The following DCDC2C variants were observed in gnomAD, a reference collection of about 807,000 sequenced individuals.
DCDC2C encodes the protein doublecortin domain-containing protein 2C.
Under a neutral mutation model 45.0 loss-of-function variants are expected in DCDC2C, and 44 were observed. That is an observed-to-expected ratio of 0.98 (90% CI 0.77 to 1.26). The LOEUF (loss-of-function observed/expected upper bound fraction) is 1.26. DCDC2C is among the 50% of genes most tolerant of loss of function. The probability of loss-of-function intolerance (pLI) is 0.00; values close to 1 mark genes in which losing one functional copy is unlikely to be tolerated. For synonymous variants in DCDC2C, 187 were observed against 178.8 expected (o/e 1.05, Z -0.37); for missense variants, 447 against 468.9 (o/e 0.95, Z 0.43).
chr2:3,766,306 A>ACG (rs1473615187), intron 6 of DCDC2C, among the ~76,000 whole-genome samples: 2 of 146,924 alleles, frequency 1.4e-5, no homozygotes, highest in Non-Finnish European at 3.0e-5. Flanking sequence ...ACATACACAC[A>ACG]CACGCACACA....
chr2:3,784,101 T>C (rs1165167955), intron 9 of DCDC2C, among the ~76,000 whole-genome samples: 1 of 152,092 alleles, frequency 6.6e-6, no homozygotes, highest in East Asian at 1.9e-4. Context: ...ATTAAAGAAA[T>C]GCAAATAATA....
At chr2:3,753,756 C>T (rs754190911) in intron 5 of DCDC2C, among the ~76,000 whole-genome samples, 26 of 152,076 alleles carry the variant, frequency 1.7e-4, no homozygotes, top group Non-Finnish European at 3.1e-4. Context: ...GCGCAGCGTC[C>T]GGGATGGCCT....
chr2:3,838,523 G>A (rs1047777942), intron 10 of DCDC2C, among the ~76,000 whole-genome samples: 4 of 151,884 alleles, frequency 2.6e-5, no homozygotes, highest in African/African-American at 9.7e-5. Flanking sequence ...AGTAGGAGGT[G>A]TGGCCTGAAG....
At chr2:3,749,199 G>A (rs1259030019) in intron 4 of DCDC2C, among the ~76,000 whole-genome samples, 1 of 152,044 alleles carries the variant, frequency 6.6e-6, no homozygotes, top group Non-Finnish European at 1.5e-5. Flanking sequence ...TGACATTTTG[G>A]TAATGTTTTC....
At chr2:3,802,214 A>G (rs879656431) in intron 10 of DCDC2C, among the ~76,000 whole-genome samples, 2 of 152,148 alleles carry the variant, frequency 1.3e-5, no homozygotes, top group Non-Finnish European at 2.9e-5. Context: ...TCTTTAGCCA[A>G]TCCTGGGGTT....
intron 2 of DCDC2C, among the ~76,000 whole-genome samples, chr2:3,724,621 G>A (rs1668586694): frequency 6.6e-6 from 1 of 152,294 alleles, no homozygotes; most frequent in East Asian, 1.9e-4. Context: ...ATGTCGTCGA[G>A]CTCCTGTAAC....
chr2:3,824,850 T>A (rs1671776932), intron 10 of DCDC2C, among the ~76,000 whole-genome samples: 1 of 152,044 alleles, frequency 6.6e-6, no homozygotes, highest in African/African-American at 2.4e-5. Flanking sequence ...TGTATCTGGG[T>A]CTTGGAAGTG....
chr2:3,752,548 T>C (rs1333973779), intron 4 of DCDC2C: 2 of 651,470 alleles, frequency 3.1e-6, no homozygotes, highest in Non-Finnish European at 5.6e-6. Context: ...AAATACACTT[T>C]AATTAAAAAA....
intron 8 of DCDC2C, among the ~76,000 whole-genome samples, chr2:3,774,301 G>A (rs1266416313): frequency 6.6e-6 from 1 of 152,238 alleles, no homozygotes; most frequent in Non-Finnish European, 1.5e-5. Context: ...TGGCTGTAAG[G>A]AACGGGAAAC....
At chr2:3,774,948 A>G (rs537729725) in intron 8 of DCDC2C, among the ~76,000 whole-genome samples, 1 of 152,258 alleles carries the variant, frequency 6.6e-6, no homozygotes, top group East Asian at 1.9e-4. Flanking sequence ...TGTATTTAGT[A>G]GAGACGGTGT....
rs200404426 is a variant in DCDC2C at position 3,772,916 on chromosome 2, C to T, written c.954+3505C>T. Among the ~76,000 whole-genome samples, 40 of 152,230 alleles carry T rather than the reference C, an allele frequency of 2.6e-4. No homozygotes were observed. In the East Asian group the frequency reaches 5.2e-3, roughly 20 times the overall value. ...TCATTCTTGTAGCACAAACTTGACA[C>T]GGAGACTCTCACAGAGTTCTGTGGG... On this transcript the variant is annotated intron_variant, in intron 8 of 10. Coordinates refer to ENST00000399143, the MANE Select transcript of DCDC2C (RefSeq NM_001287444.2).
chr2:3,754,454 A>T, intron 5 of DCDC2C, 138 bp from the exon 6 acceptor site: 1 of 735,742 alleles, frequency 1.4e-6, no homozygotes, highest in South Asian at 2.1e-5. Flanking sequence ...CATTGTTGCC[A>T]TGAGCCGTGT....
chr2:3,762,929 C>A lies in DCDC2C; in HGVS notation c.727-4825C>A, dbSNP rs1292269365. Reference sequence around the variant, plus strand: ...GGAACAGCAAGCGTGTGTGAGGCTGCCTGGGAAGGGGATGGGGAGGCAGGC... The same window carrying A: ...GGAACAGCAAGCGTGTGTGAGGCTGACTGGGAAGGGGATGGGGAGGCAGGC... On this transcript the variant is annotated intron_variant, in intron 6 of 10. Transcript: ENST00000399143. Among the ~76,000 whole-genome samples the A allele has an allele frequency of 4.6e-5, 7 of 152,100 alleles. No individual in the cohort carries two copies. The East Asian group carries it at 1.4e-3, about 30-fold the overall frequency.
chr2:3,710,569 G>A (rs931544978), intron 2 of DCDC2C, among the ~76,000 whole-genome samples: 2 of 152,134 alleles, frequency 1.3e-5, no homozygotes, highest in Non-Finnish European at 2.9e-5. Context: ...AATTTATTCG[G>A]TCACCCAGGC....
intron 10 of DCDC2C, among the ~76,000 whole-genome samples, chr2:3,814,143 C>T (rs895107450): frequency 6.6e-6 from 1 of 152,080 alleles, no homozygotes; most frequent in African/African-American, 2.4e-5. Context: ...TTTTCCCCAC[C>T]TCCTTTTGGT....
intron 9 of DCDC2C, among the ~76,000 whole-genome samples, chr2:3,779,712 C>T (rs1670458001): frequency 6.6e-6 from 1 of 152,146 alleles, no homozygotes; most frequent in South Asian, 2.1e-4. Flanking sequence ...CTGAGAGTTG[C>T]AGTCTGATTT....
intron 2 of DCDC2C, among the ~76,000 whole-genome samples, chr2:3,720,032 C>A (rs1008068722): frequency 6.6e-6 from 1 of 152,214 alleles, no homozygotes; most frequent in African/African-American, 2.4e-5. Flanking sequence ...CACCTGCTTC[C>A]ATCATCCTCA....
intron 2 of DCDC2C, among the ~76,000 whole-genome samples, chr2:3,713,488 C>T (rs1005744150): frequency 5.3e-5 from 8 of 152,214 alleles, no homozygotes; most frequent in East Asian, 3.9e-4. Context: ...AGCTGCATCC[C>T]GGGTGCCCAG....
chr2:3,715,588 A>G (rs1668329969), intron 2 of DCDC2C, among the ~76,000 whole-genome samples: 1 of 152,128 alleles, frequency 6.6e-6, no homozygotes, highest in South Asian at 2.1e-4. Context: ...CCATCCATCC[A>G]TCCATCCATC....
Sources: allele counts gnomAD v4.1 joint callset (sites outside exome capture counted in the v4.1 genomes callset), GRCh38; gene constraint gnomAD v4.1.1; transcripts MANE v1.5; gene names NCBI Gene and HGNC (gene_info 2026-07-23, HGNC 2026-07-21).